Variants in TIGAR observed in about 807,000 individuals in gnomAD.
The protein encoded by TIGAR is TP53 induced glycolysis regulatory phosphatase.
A neutral mutation model predicts 17.9 loss-of-function variants in TIGAR; 7 were observed. That is an observed-to-expected ratio of 0.39 (90% CI 0.22 to 0.73). The LOEUF (loss-of-function observed/expected upper bound fraction) is 0.73. Ranked by LOEUF, TIGAR falls within the 30% of genes least tolerant of loss-of-function variation. The pLI, the probability that TIGAR is intolerant of heterozygous loss-of-function variation, is 0.42. For synonymous variants in TIGAR, 94 were observed against 108.6 expected, an observed-to-expected ratio of 0.87 and a Z score of 0.84; for missense variants, 258 against 327.4, an observed-to-expected ratio of 0.79 and a Z score of 1.64.
chr12:4,321,993 T>A lies in TIGAR; in HGVS notation c.32+690T>A, dbSNP rs1864483479. Among the ~76,000 whole-genome samples, 1 of 114,484 alleles carries A rather than the reference T, an allele frequency of 8.7e-6. No homozygotes were observed. Among genetic ancestry groups the A allele is most frequent in the Admixed American group, 8.9e-5 (1 of 11,276 alleles). 75.1% of individuals were successfully genotyped at this position (114,484 alleles called of 152,430 possible). A position where few individuals can be genotyped will look rare whatever the true frequency, so the allele number is the denominator to read the frequency against. ...GGGTAGTTAAGAGCACAGATTTTTA[T>A]TTTTATTTTTTTTTTTTTGTGAGAT... On this transcript the variant is annotated intron_variant, in intron 1 of 5. Transcript: ENST00000179259. This position sits in a 1 kb window ranked among gnomAD's most constrained non-coding sequence, Gnocchi z 5.2.
chr12:4,348,702 AGT>A (rs1864806851), intron 3 of TIGAR, among the ~76,000 whole-genome samples: 1 of 152,256 alleles, frequency 6.6e-6, no homozygotes, highest in East Asian at 1.9e-4. Flanking sequence ...AAATATTGAC[AGT>A]ACATATAAAA....
intron 3 of TIGAR, among the ~76,000 whole-genome samples, chr12:4,338,764 G>A (rs913976024): frequency 2.0e-5 from 3 of 152,008 alleles, no homozygotes; most frequent in African/African-American, 7.2e-5. Context: ...GATTGCCTGA[G>A]CTCAGGAGTT....
At chr12:4,331,033 A>G (rs566347811) in intron 1 of TIGAR, among the ~76,000 whole-genome samples, 127 of 121,396 alleles carry the variant, frequency 1.0e-3, no homozygotes, top group Non-Finnish European at 2.1e-3. Context: ...CCTGCAATTC[A>G]CTTAAGATTG....
chr12:4,342,054 G>C (rs1048216631), intron 3 of TIGAR, among the ~76,000 whole-genome samples: 11 of 152,216 alleles, frequency 7.2e-5, no homozygotes, highest in African/African-American at 2.7e-4. Flanking sequence ...ACCTGATGGA[G>C]CTGAAAACCA....
At chr12:4,326,698 T>G (rs1327638521) in intron 1 of TIGAR, among the ~76,000 whole-genome samples, 1 of 152,248 alleles carries the variant, frequency 6.6e-6, no homozygotes, top group Non-Finnish European at 1.5e-5. Context: ...ATTTCTGGGA[T>G]TCCATTTTTT....
Position 4,351,527 on chromosome 12 carries a change from T to G in TIGAR, c.381+150T>G, listed in dbSNP as rs117439853. On this transcript the variant is annotated intron_variant, in intron 5 of 5. Coordinates refer to ENST00000179259, the MANE Select transcript of TIGAR (RefSeq NM_020375.3). Reference sequence around the variant, plus strand: ...ACTTAGCAAATTATTCTTTTCTATTTAAAATCTTATTTACTGTTCAGTTGC... The same window carrying G: ...ACTTAGCAAATTATTCTTTTCTATTGAAAATCTTATTTACTGTTCAGTTGC... 289 of 649,246 alleles carry G rather than the reference T, an allele frequency of 4.5e-4. No homozygotes were observed. In the East Asian group the frequency reaches 7.1e-3, roughly 16 times the overall value. 40.2% of individuals were successfully genotyped at this position (649,246 alleles called of 1,614,324 possible). A position where few individuals can be genotyped will look rare whatever the true frequency, so the allele number is the denominator to read the frequency against.
At chr12:4,335,439 G>T (rs1342992572) in intron 2 of TIGAR, 1 of 151,930 alleles carries the variant, frequency 6.6e-6, no homozygotes, top group Non-Finnish European at 1.5e-5. Context: ...CTCCCAATAT[G>T]ATGACATTAG....
At chr12:4,331,213 AT>A in intron 1 of TIGAR, 66 bp from the exon 2 acceptor site, 2 of 1,420,810 alleles carry the variant, frequency 1.4e-6, no homozygotes, top group Non-Finnish European at 2.0e-6. Flanking sequence ...TTGATTGCTC[AT>A]TTTTTTCCTC....
chr12:4,341,253 G>A (rs1450127792), intron 3 of TIGAR, among the ~76,000 whole-genome samples: 2 of 147,908 alleles, frequency 1.4e-5, no homozygotes, highest in Non-Finnish European at 3.0e-5. Context: ...TTTCTCAAAA[G>A]AAGACATACA....
chr12:4,357,303 A>G lies in TIGAR; in HGVS notation c.*4612A>G, dbSNP rs1240713931. On this transcript the variant is annotated 3_prime_UTR_variant, in exon 6 of 6. Transcript: ENST00000179259. Reference sequence around the variant, plus strand: ...CTATATTAAGGTCAGTCACAATTTAATTGAAATAGATCATCCTAGGTGAAT... The same window carrying G: ...CTATATTAAGGTCAGTCACAATTTAGTTGAAATAGATCATCCTAGGTGAAT... Among the ~76,000 whole-genome samples, 1 of 152,242 alleles carries G rather than the reference A, an allele frequency of 6.6e-6. No homozygotes were observed.
intron 3 of TIGAR, among the ~76,000 whole-genome samples, chr12:4,343,299 C>T (rs562654943): frequency 4.0e-4 from 61 of 152,172 alleles, no homozygotes; most frequent in African/African-American, 1.3e-3. Context: ...AATTTAACAC[C>T]CCACTGTCAG....
At chr12:4,338,347 G>A (rs1282438694) in intron 3 of TIGAR, among the ~76,000 whole-genome samples, 3 of 152,152 alleles carry the variant, frequency 2.0e-5, no homozygotes, top group African/African-American at 4.8e-5. Flanking sequence ...AACAAAGAAG[G>A]TGAGCCCTAG....
At chr12:4,331,040 A>T (rs2120655200) in intron 1 of TIGAR, among the ~76,000 whole-genome samples, 1 of 143,336 alleles carries the variant, frequency 7.0e-6, no homozygotes, top group African/African-American at 2.6e-5. Flanking sequence ...TTCACTTAAG[A>T]TTGGTTCCTG....
intron 3 of TIGAR, among the ~76,000 whole-genome samples, chr12:4,346,379 G>A (rs1864780516): frequency 6.6e-6 from 1 of 152,146 alleles, no homozygotes; most frequent in Non-Finnish European, 1.5e-5. Context: ...TGATAGACTG[G>A]ATTAAGAAAA....
At chr12:4,341,808 TGA>T (rs1864725597) in intron 3 of TIGAR, among the ~76,000 whole-genome samples, 1 of 152,054 alleles carries the variant, frequency 6.6e-6, no homozygotes, top group Admixed American at 6.6e-5. Flanking sequence ...GCAGAAAAAC[TGA>T]AAATTCTAAA....
At position 4,348,897 on chromosome 12, in the gene TIGAR, G is replaced by A. The variant is rs188516163; in HGVS notation, c.193-922G>A. 1.9e-3 allele frequency among the ~76,000 whole-genome samples: 282 copies of A among 152,254 alleles called. 1 individual carries two copies. Among genetic ancestry groups the A allele is most frequent in the African/African-American group, 6.5e-3 (271 of 41,538 alleles). ...ACAGAAACAGCCACATGACTTACCCGATGGAGTTACCAGACATGAGCTTTA... is the reference window on the plus strand; with the variant it reads ...ACAGAAACAGCCACATGACTTACCCAATGGAGTTACCAGACATGAGCTTTA... On this transcript the variant is annotated intron_variant, in intron 3 of 5. Transcript: ENST00000179259.
intron 3 of TIGAR, among the ~76,000 whole-genome samples, chr12:4,339,961 A>G (rs1864701793): frequency 6.6e-6 from 1 of 152,252 alleles, no homozygotes; most frequent in African/African-American, 2.4e-5. Flanking sequence ...AGCTTATGTC[A>G]TACTGAGTGA....
At chr12:4,326,492 A>G (rs1864547782) in intron 1 of TIGAR, among the ~76,000 whole-genome samples, 1 of 152,222 alleles carries the variant, frequency 6.6e-6, no homozygotes, top group Non-Finnish European at 1.5e-5. Context: ...CTACTCTTTA[A>G]TATTTATAAA....
At chr12:4,338,020 C>T (rs1449128511) in intron 3 of TIGAR, among the ~76,000 whole-genome samples, 1 of 152,094 alleles carries the variant, frequency 6.6e-6, no homozygotes, top group East Asian at 1.9e-4. Context: ...ATCCCAGCTA[C>T]TTGGGAGGCT....
Sources: gnomAD v4.1 joint callset for allele counts (sites outside exome capture counted in the v4.1 genomes callset) on GRCh38, gnomAD v4.1.1 for gene constraint, Gnocchi (gnomAD v3.1) non-coding constraint, MANE v1.5 for transcripts, NCBI Gene and HGNC (gene_info 2026-07-23, HGNC 2026-07-21) for gene names.